UNC5D: variants seen among roughly 807,000 people sequenced by gnomAD.
UNC5D encodes unc-5 netrin receptor D.
A neutral mutation model predicts 105.4 loss-of-function variants in UNC5D; 39 were observed. The observed-to-expected ratio is 0.37, with a 90% CI of 0.29 to 0.48. The LOEUF is 0.48. Ranked by LOEUF, UNC5D falls within the 20% of genes least tolerant of loss-of-function variation. The probability of loss-of-function intolerance (pLI) is 0.98; values close to 1 mark genes in which losing one functional copy is unlikely to be tolerated. For synonymous variants in UNC5D, 452 were observed against 450.4 expected, an observed-to-expected ratio of 1.00 and a Z score of -0.04; for missense variants, 991 against 1,202.4, an observed-to-expected ratio of 0.82 and a Z score of 2.60.
At chr8:35,741,832 A>G (rs891952025) in intron 11 of UNC5D, among the ~76,000 whole-genome samples, 34 of 152,154 alleles carry the variant, frequency 2.2e-4, no homozygotes, top group African/African-American at 7.5e-4. Flanking sequence ...ACCACCTTGC[A>G]TGTAGAAAAT....
intron 1 of UNC5D, among the ~76,000 whole-genome samples, chr8:35,288,161 C>A (rs1413703223): frequency 6.6e-6 from 1 of 151,952 alleles, no homozygotes; most frequent in Non-Finnish European, 1.5e-5. Context: ...ACATAATAAT[C>A]AAATTATTAA....
chr8:35,630,718 A>T (rs2131076279), intron 4 of UNC5D, among the ~76,000 whole-genome samples: 1 of 152,266 alleles, frequency 6.6e-6, no homozygotes. Context: ...AGGCTGCTTA[A>T]ATCTCCCCGC....
chr8:35,321,420 C>T (rs1367541483), intron 1 of UNC5D, among the ~76,000 whole-genome samples: 10 of 152,112 alleles, frequency 6.6e-5, no homozygotes, highest in Non-Finnish European at 1.0e-4. Context: ...GTGAGTCTCA[C>T]GAGATCTGAT....
At chr8:35,735,368 G>C (rs1380652356) in intron 11 of UNC5D, among the ~76,000 whole-genome samples, 1 of 152,058 alleles carries the variant, frequency 6.6e-6, no homozygotes, top group Non-Finnish European at 1.5e-5. Flanking sequence ...ACACTGTCAT[G>C]TGGATACTCC....
intron 1 of UNC5D, among the ~76,000 whole-genome samples, chr8:35,257,774 A>G (rs963230854): frequency 1.3e-5 from 2 of 152,286 alleles, no homozygotes; most frequent in South Asian, 4.1e-4. Flanking sequence ...TAACACACCC[A>G]TGCACCTTGC....
chr8:35,422,604 A>G (rs896692742), intron 1 of UNC5D, among the ~76,000 whole-genome samples: 8 of 152,238 alleles, frequency 5.3e-5, no homozygotes, highest in Non-Finnish European at 1.0e-4. Flanking sequence ...ATGCACACAG[A>G]TAATTATTTT....
chr8:35,436,959 T>C (rs767243469), intron 1 of UNC5D, among the ~76,000 whole-genome samples: 21 of 152,082 alleles, frequency 1.4e-4, no homozygotes, highest in Non-Finnish European at 1.8e-4. Flanking sequence ...TGAATCTTAT[T>C]CAATTTATTA....
At chr8:35,737,286 G>T (rs1351741880) in intron 11 of UNC5D, among the ~76,000 whole-genome samples, 1 of 149,830 alleles carries the variant, frequency 6.7e-6, no homozygotes, top group Non-Finnish European at 1.5e-5. Context: ...GTGTGTGTGT[G>T]TGTGTGTGTG....
At chr8:35,652,595 G>T (rs911599223) in intron 4 of UNC5D, among the ~76,000 whole-genome samples, 13 of 151,524 alleles carry the variant, frequency 8.6e-5, no homozygotes, top group African/African-American at 2.7e-4. Context: ...TCCCCAGAGA[G>T]AAATTATTAT....
At chr8:35,288,301 C>T (rs1177940204) in intron 1 of UNC5D, among the ~76,000 whole-genome samples, 4 of 152,028 alleles carry the variant, frequency 2.6e-5, no homozygotes, top group Non-Finnish European at 5.9e-5. Flanking sequence ...GGATGGTATA[C>T]TCAGAATACT....
intron 11 of UNC5D, among the ~76,000 whole-genome samples, chr8:35,745,559 C>A (rs1829960689): frequency 6.6e-6 from 1 of 152,160 alleles, no homozygotes; most frequent in South Asian, 2.1e-4. Flanking sequence ...CAATGTATGA[C>A]AATTGCATGA....
At chr8:35,555,165 G>A (rs1201400163) in intron 2 of UNC5D, among the ~76,000 whole-genome samples, 3 of 152,154 alleles carry the variant, frequency 2.0e-5, no homozygotes, top group African/African-American at 7.2e-5. Context: ...TTTATTGACA[G>A]TTTGTGGGTT....
intron 15 of UNC5D, among the ~76,000 whole-genome samples, chr8:35,772,306 G>C (rs1375656505): frequency 6.6e-6 from 1 of 152,142 alleles, no homozygotes; most frequent in Non-Finnish European, 1.5e-5. Context: ...AAATGCAACT[G>C]TGTTAAATAG....
At chr8:35,337,730 T>C (rs893034007) in intron 1 of UNC5D, among the ~76,000 whole-genome samples, 1 of 152,006 alleles carries the variant, frequency 6.6e-6, no homozygotes, top group African/African-American at 2.4e-5. Context: ...TATGCAACTA[T>C]AGACTGACTC....
At chr8:35,752,328 C>T (rs1240022277) in intron 13 of UNC5D, among the ~76,000 whole-genome samples, 1 of 152,142 alleles carries the variant, frequency 6.6e-6, no homozygotes, top group Non-Finnish European at 1.5e-5. Flanking sequence ...TCATTAAGTC[C>T]ATTATGCAGA....
chr8:35,579,921 G>A (rs895195060), intron 3 of UNC5D, among the ~76,000 whole-genome samples: 43 of 152,190 alleles, frequency 2.8e-4, no homozygotes, highest in African/African-American at 9.9e-4. Context: ...CAATCTTTGA[G>A]AGTGTTGATA....
At position 35,684,761 on chromosome 8, in the gene UNC5D, G is replaced by A. The variant is rs1425959774; in HGVS notation, c.919+12G>A. On this transcript the variant is annotated intron_variant, in intron 6 of 16. Coordinates refer to ENST00000404895, the MANE Select transcript of UNC5D (RefSeq NM_080872.4). ...TTCTCTTTGTCCTGGTGAGATATAT[G>A]CAGATTCCCTTTTCCCTTCTGATCC... The A allele has an allele frequency of 6.2e-7, 1 of 1,600,134 alleles. No individual in the cohort carries two copies.
intron 4 of UNC5D, among the ~76,000 whole-genome samples, chr8:35,643,316 C>T (rs902873189): frequency 6.6e-6 from 1 of 152,104 alleles, no homozygotes; most frequent in Non-Finnish European, 1.5e-5. Flanking sequence ...GTCCTCATCT[C>T]GCCTCTCCTC....
At chr8:35,704,007 T>C (rs1454762066) in intron 7 of UNC5D, among the ~76,000 whole-genome samples, 1 of 152,176 alleles carries the variant, frequency 6.6e-6, no homozygotes, top group East Asian at 1.9e-4. Flanking sequence ...ACTAGTACCG[T>C]CACATCTGTT....
Sources: allele counts gnomAD v4.1 joint callset (sites outside exome capture counted in the v4.1 genomes callset), GRCh38; gene constraint gnomAD v4.1.1; transcripts MANE v1.5; gene names NCBI Gene and HGNC (gene_info 2026-07-23, HGNC 2026-07-21).